Variants in STX8 observed in about 807,000 individuals in gnomAD.
The protein encoded by STX8 is syntaxin-8.
A neutral mutation model predicts 37.5 loss-of-function variants in STX8; 23 were observed. The ratio of observed to expected loss-of-function variants is 0.61; its 90% confidence interval spans 0.44 to 0.87. The LOEUF is 0.87. Ranked by LOEUF, STX8 falls within the 40% of genes least tolerant of loss-of-function variation. The probability of loss-of-function intolerance (pLI) is 0.00; values close to 1 mark genes in which losing one functional copy is unlikely to be tolerated. For missense variants in STX8, 313 were observed against 284.7 expected, an observed-to-expected ratio of 1.10 and a Z score of -0.71; for synonymous variants, 115 against 99.1, an observed-to-expected ratio of 1.16 and a Z score of -0.95.
intron 7 of STX8, among the ~76,000 whole-genome samples, chr17:9,327,312 G>A (rs1909804109): frequency 6.7e-6 from 1 of 149,922 alleles, no homozygotes; most frequent in Non-Finnish European, 1.5e-5. Context: ...GAAAGAAGAA[G>A]AAGGAAGAAG....
At chr17:9,344,842 A>G (rs1910480766) in intron 7 of STX8, among the ~76,000 whole-genome samples, 3 of 152,176 alleles carry the variant, frequency 2.0e-5, no homozygotes, top group Non-Finnish European at 4.4e-5. Flanking sequence ...TGTCTCACAC[A>G]CAACACACCC....
intron 4 of STX8, among the ~76,000 whole-genome samples, chr17:9,528,133 A>T (rs1905653707): frequency 6.6e-6 from 1 of 152,212 alleles, no homozygotes; most frequent in South Asian, 2.1e-4. Context: ...TAAAAATAGG[A>T]AAGGAAAACT....
intron 7 of STX8, among the ~76,000 whole-genome samples, chr17:9,368,382 C>T (rs1201705299): frequency 1.3e-5 from 2 of 152,062 alleles, no homozygotes; most frequent in Non-Finnish European, 1.5e-5. Flanking sequence ...GGGGTGCCTG[C>T]AGTCCCAGCT....
intron 7 of STX8, among the ~76,000 whole-genome samples, chr17:9,321,309 C>T (rs538873053): frequency 6.6e-6 from 1 of 151,988 alleles, no homozygotes; most frequent in South Asian, 2.1e-4. Context: ...ATGGGCAGAT[C>T]ACCTGAAGTC....
rs1259124021 is a variant in STX8 at position 9,460,689 on chromosome 17, C to CAACA, written c.541+31139_541+31140insTGTT. Among the ~76,000 whole-genome samples the CAACA allele has an allele frequency of 3.7e-3, 366 of 97,698 alleles. 7 individuals carry two copies. Among genetic ancestry groups the CAACA allele is most frequent in the African/African-American group, 0.014 (348 of 24,602 alleles). 64.1% of individuals were successfully genotyped at this position (97,698 alleles called of 152,430 possible). On this transcript the variant is annotated intron_variant, in intron 6 of 7. Transcript: ENST00000306357. ...ACTCTGTCTCAAAAAAAAAAAAAAA[C>CAACA]AAAACAAAACTACTAAATTCACAAC...
chr17:9,372,831 C>T (rs1412764201), intron 7 of STX8, among the ~76,000 whole-genome samples: 6 of 140,586 alleles, frequency 4.3e-5, no homozygotes, highest in African/African-American at 5.2e-5. Flanking sequence ...GGGCCAGGCG[C>T]GGTGGCTCAC....
chr17:9,438,174 C>T (rs1003009186), intron 6 of STX8, among the ~76,000 whole-genome samples: 3 of 138,914 alleles, frequency 2.2e-5, no homozygotes, highest in South Asian at 5.0e-4. Context: ...ACCCGGGAGG[C>T]GGAGGTTGCA....
In STX8 at chr17:9,507,688, C is replaced by T. The variant is rs887212909; in HGVS notation, c.324-2526G>A. 6.6e-5 allele frequency among the ~76,000 whole-genome samples: 10 copies of T among 152,196 alleles called. No individual in the cohort carries two copies. Among genetic ancestry groups the T allele is most frequent in the Non-Finnish European group, 1.2e-4 (8 of 68,036 alleles). Reference sequence around the variant, plus strand: ...AAGTGAGACCCCAAGTTGGACAACCCACCATGTGAACGCATGCATCGCTGA... The same window carrying T: ...AAGTGAGACCCCAAGTTGGACAACCTACCATGTGAACGCATGCATCGCTGA... On this transcript the variant is annotated intron_variant, in intron 4 of 7. Transcript: ENST00000306357. The surrounding 1 kb of genome is among the most constrained non-coding windows in gnomAD (Gnocchi z 4.0).
chr17:9,553,910 T>C (rs1374998323), intron 3 of STX8: 2 of 152,196 alleles, frequency 1.3e-5, no homozygotes, highest in Admixed American at 1.3e-4. Flanking sequence ...ATTTCCTAGT[T>C]GTGGGGTCCT....
chr17:9,479,844 C>A (rs1033635573), intron 6 of STX8, among the ~76,000 whole-genome samples: 14 of 152,026 alleles, frequency 9.2e-5, no homozygotes, highest in African/African-American at 3.4e-4. Flanking sequence ...TGCCAGCTCT[C>A]CTGGCCCCCT....
intron 7 of STX8, chr17:9,305,479 T>C (rs932845402): frequency 6.6e-6 from 1 of 152,184 alleles, no homozygotes; most frequent in African/African-American, 2.4e-5. Flanking sequence ...CCTGAGTACA[T>C]TTAAGGTAAG....
chr17:9,545,863 T>A (rs1261314954), intron 3 of STX8, among the ~76,000 whole-genome samples: 1 of 152,184 alleles, frequency 6.6e-6, no homozygotes, highest in Non-Finnish European at 1.5e-5. Flanking sequence ...TTACAAGGCG[T>A]GAGTCACCAC....
At chr17:9,513,604 G>A (rs78665556) in intron 4 of STX8, among the ~76,000 whole-genome samples, 5,354 of 152,276 alleles carry the variant, frequency 0.035, 361 homozygotes, top group African/African-American at 0.12. Flanking sequence ...ACTATGGAGA[G>A]CAGTATGGGG....
chr17:9,366,326 G>A (rs908680437), intron 7 of STX8, among the ~76,000 whole-genome samples: 1 of 152,136 alleles, frequency 6.6e-6, no homozygotes, highest in African/African-American at 2.4e-5. Context: ...CCGCCTCCCG[G>A]GTTCAAGTGA....
At chr17:9,371,044 G>C (rs1487832261) in intron 7 of STX8, among the ~76,000 whole-genome samples, 1 of 152,108 alleles carries the variant, frequency 6.6e-6, no homozygotes, top group South Asian at 2.1e-4. Context: ...GTGCTCCTGA[G>C]TGAAAGGTTC....
At chr17:9,369,103 T>C (rs909387954) in intron 7 of STX8, among the ~76,000 whole-genome samples, 2 of 152,102 alleles carry the variant, frequency 1.3e-5, no homozygotes, top group Admixed American at 1.3e-4. Flanking sequence ...CATTTTTAGC[T>C]CCAGTTCCTA....
At chr17:9,546,364 CACA>C (rs1408038400) in intron 3 of STX8, among the ~76,000 whole-genome samples, 1 of 147,356 alleles carries the variant, frequency 6.8e-6, no homozygotes, top group Non-Finnish European at 1.5e-5. Context: ...ACATCTTTTC[CACA>C]ACAATTCATA....
chr17:9,506,398 C>T, intron 4 of STX8, among the ~76,000 whole-genome samples: 1 of 55,380 alleles, frequency 1.8e-5, no homozygotes, highest in East Asian at 7.2e-4. Flanking sequence ...TCAGCTGGTG[C>T]TCACCCGCTC....
At position 9,346,147 on chromosome 17, in the gene STX8, C is replaced by T. The variant is rs372787754; in HGVS notation, c.643+32405G>A. On this transcript the variant is annotated intron_variant, in intron 7 of 7. Transcript: ENST00000306357. ...GATTACAGGCGTGAGCCACCACGCCCGGCCGGCCCCTGACTATTAAGACCA... is the reference window on the plus strand; with the variant it reads ...GATTACAGGCGTGAGCCACCACGCCTGGCCGGCCCCTGACTATTAAGACCA... Among the ~76,000 whole-genome samples the T allele has an allele frequency of 3.3e-5, 5 of 152,236 alleles. No homozygotes were observed. In the East Asian group the frequency reaches 5.8e-4, roughly 18 times the overall value.
Sources: gnomAD v4.1 joint callset for allele counts (sites outside exome capture counted in the v4.1 genomes callset) on GRCh38, gnomAD v4.1.1 for gene constraint, Gnocchi (gnomAD v3.1) non-coding constraint, MANE v1.5 for transcripts, NCBI Gene and HGNC (gene_info 2026-07-23, HGNC 2026-07-21) for gene names.